SP100: variants seen among roughly 807,000 people sequenced by gnomAD.
The protein encoded by SP100 is nuclear autoantigen Sp-100.
Under a neutral mutation model 130.0 loss-of-function variants are expected in SP100, and 84 were observed. The ratio of observed to expected loss-of-function variants is 0.65; its 90% CI spans 0.54 to 0.77. The LOEUF (loss-of-function observed/expected upper bound fraction) is 0.77, where lower values mean the gene tolerates loss of function less well. Ranked by LOEUF, SP100 falls within the 30% of genes least tolerant of loss-of-function variation. SP100 has a pLI of 0.00. For synonymous variants in SP100, 331 were observed against 351.7 expected (o/e 0.94, Z 0.66); for missense variants, 978 against 1,052.2 (o/e 0.93, Z 0.97).
Position 230,542,101 on chromosome 2 carries a change from A to G in SP100, c.2547+66A>G, listed in dbSNP as rs1408141062. 7 of 1,513,876 alleles carry G rather than the reference A, an allele frequency of 4.6e-6. No individual in the cohort carries two copies. The African/African-American group carries it at 9.6e-5, about 21-fold the overall frequency. 93.8% of individuals were successfully genotyped at this position (1,513,876 alleles called of 1,614,324 possible). On this transcript the variant is annotated intron_variant, in intron 28 of 28. Coordinates refer to ENST00000340126, the MANE Select transcript of SP100 (RefSeq NM_001080391.2). ...TCACTTTAAAGTCACTTTCCCTGTC[A>G]TCTTTTCATGTCAGGTAAATGTTAC...
intron 2 of SP100, among the ~76,000 whole-genome samples, chr2:230,431,036 A>G (rs2063083822): frequency 6.6e-6 from 1 of 152,168 alleles, no homozygotes; most frequent in Non-Finnish European, 1.5e-5. Context: ...TAGGCACCCA[A>G]GCTACTTAGA....
intron 24 of SP100, chr2:230,515,835 A>G: frequency 7.2e-7 from 1 of 1,389,678 alleles, no homozygotes; most frequent in South Asian, 1.6e-5. Flanking sequence ...GTATTTAGCC[A>G]CTAACCTTTG....
rs1187892890 is a variant in SP100 at position 230,467,120 on chromosome 2, T to C, written c.1196T>C (p.Val399Ala). 1 of 1,610,876 alleles carries C rather than the reference T, an allele frequency of 6.2e-7. No homozygotes were observed. Among genetic ancestry groups the C allele is most frequent in the Admixed American group, 1.7e-5 (1 of 60,012 alleles). ...AAAGGACATTTGCTCCTTTCTGCAG[T>C]GATAGGACAAGACCACGACTTTTCA... ...STFRESFKKR[V>A]IGQDHDFSES... is the part of the protein sequence containing the mutation. The change falls in exon 13 of 29, where the codon GTG (valine) becomes GCG (alanine). Residue 399 changes from valine (V) to alanine (A), a missense_variant and splice_region_variant. Transcript: ENST00000340126.
intron 24 of SP100, among the ~76,000 whole-genome samples, chr2:230,512,980 C>A (rs1690707147): frequency 6.6e-6 from 1 of 152,180 alleles, no homozygotes; most frequent in Non-Finnish European, 1.5e-5. Flanking sequence ...TTTAATGCTG[C>A]TGCTGATCTG....
chr2:230,514,886 G>C, intron 24 of SP100: 1 of 664,256 alleles, frequency 1.5e-6, no homozygotes, highest in South Asian at 2.8e-5. Flanking sequence ...TGTTGGGAAG[G>C]GACATTACTT....
At position 230,446,550 on chromosome 2, in the gene SP100, C is replaced by A. The variant is rs541466465; in HGVS notation, c.440-269C>A. Among the ~76,000 whole-genome samples the A allele has an allele frequency of 3.3e-5, 5 of 152,354 alleles. No homozygotes were observed. In the South Asian group the frequency reaches 1.0e-3, roughly 32 times the overall value. ...GATATATGCCTACCCTGCCATCTGA[C>A]AATTTTGAGGGTAACACAGCTCACA... On this transcript the variant is annotated intron_variant, in intron 4 of 28. Transcript: ENST00000340126.
intron 17 of SP100, among the ~76,000 whole-genome samples, chr2:230,491,364 G>C (rs890811445): frequency 6.6e-6 from 1 of 152,196 alleles, no homozygotes; most frequent in African/African-American, 2.4e-5. Context: ...CCTCTGGCTG[G>C]AGTTATTGGA....
intron 24 of SP100, among the ~76,000 whole-genome samples, chr2:230,531,407 G>A (rs550564536): frequency 4.0e-5 from 6 of 151,884 alleles, no homozygotes; most frequent in South Asian, 2.1e-4. Flanking sequence ...ATCACACACC[G>A]GGGCCTGTTG....
intron 17 of SP100, among the ~76,000 whole-genome samples, chr2:230,474,940 G>T (rs1375017436): frequency 1.3e-5 from 2 of 151,296 alleles, no homozygotes; most frequent in Non-Finnish European, 2.9e-5. Context: ...ACTGTTGATG[G>T]GCAACTAGAT....
At chr2:230,507,915 T>C (rs1431687419) in intron 22 of SP100, 78 bp from the exon 23 acceptor site, 4 of 1,286,796 alleles carry the variant, frequency 3.1e-6, no homozygotes, top group Admixed American at 2.0e-5. Flanking sequence ...TAGGAATATT[T>C]GGAAGGCAGT....
chr2:230,433,854 T>C (rs1234322919), intron 2 of SP100, among the ~76,000 whole-genome samples: 1 of 150,038 alleles, frequency 6.7e-6, no homozygotes, highest in Non-Finnish European at 1.5e-5. Context: ...TAATATTGAG[T>C]CATAGACTTT....
At chr2:230,423,952 C>T (rs2062846528) in intron 2 of SP100, among the ~76,000 whole-genome samples, 1 of 152,098 alleles carries the variant, frequency 6.6e-6, no homozygotes, top group Admixed American at 6.5e-5. Flanking sequence ...AGTTTTGAGG[C>T]TTCACCACAT....
chr2:230,452,328 C>T (rs2064030998), intron 8 of SP100, among the ~76,000 whole-genome samples: 2 of 152,220 alleles, frequency 1.3e-5, no homozygotes, highest in South Asian at 4.1e-4. Flanking sequence ...CAGGCATACT[C>T]CACCACGCCC....
At chr2:230,480,128 T>G (rs982196072) in intron 17 of SP100, among the ~76,000 whole-genome samples, 5 of 152,258 alleles carry the variant, frequency 3.3e-5, no homozygotes, top group African/African-American at 9.6e-5. Flanking sequence ...TCTGTGTTTA[T>G]TTCTTCATTG....
At chr2:230,417,319 A>C (rs1410593416) in intron 1 of SP100, among the ~76,000 whole-genome samples, 1 of 152,198 alleles carries the variant, frequency 6.6e-6, no homozygotes, top group Non-Finnish European at 1.5e-5. Context: ...GAGATCTTTT[A>C]ACCTTAATAC....
At chr2:230,493,930 G>A (rs2150044571) in intron 17 of SP100, 1 of 163,346 alleles carries the variant, frequency 6.1e-6, no homozygotes, top group South Asian at 1.7e-4. Flanking sequence ...CACCACTCCA[G>A]GCTAATTTTT....
Position 230,498,525 on chromosome 2 carries a change from G to C in SP100, c.1710G>C (p.Trp570Cys), listed in dbSNP as rs2066823687. 1.4e-6 allele frequency: 2 copies of C among 1,457,320 alleles called. No homozygotes were observed. Among genetic ancestry groups the C allele is most frequent in the African/African-American group, 3.3e-5 (2 of 60,698 alleles). The allele number at this position is 1,457,320 out of a possible 1,614,324, so 90.3% of individuals were successfully genotyped here. A position where few individuals can be genotyped will look rare whatever the true frequency, so the allele number is the denominator to read the frequency against. ...ATAACAAAGTCCAAAAGAAAAGATG[G>C]CAACAAAGAGGTAAAAAAAAAAAAA... ...TLNNKVQKKR[W>C]QQRGRKANTR... The change falls in exon 19 of 29, where the codon TGG becomes TGC. Residue 570 changes from tryptophan (W) to cysteine (C), a missense_variant. By Grantham distance (215) the Trp-to-Cys change is radical. Coordinates refer to ENST00000340126, the MANE Select transcript of SP100 (RefSeq NM_001080391.2).
chr2:230,484,342 GAACT>G (rs1336962310), intron 17 of SP100, among the ~76,000 whole-genome samples: 9 of 152,328 alleles, frequency 5.9e-5, no homozygotes, highest in African/African-American at 1.2e-4. Flanking sequence ...ACATAAATTT[GAACT>G]AATAGACAAA....
chr2:230,532,929 C>T (rs1186128493), intron 24 of SP100, among the ~76,000 whole-genome samples: 1 of 152,094 alleles, frequency 6.6e-6, no homozygotes, highest in Non-Finnish European at 1.5e-5. Flanking sequence ...TACAGGCGCC[C>T]ACCACCACGC....
Sources: allele counts gnomAD v4.1 joint callset (sites outside exome capture counted in the v4.1 genomes callset), GRCh38; gene constraint gnomAD v4.1.1; transcripts MANE v1.5; gene names NCBI Gene and HGNC (gene_info 2026-07-23, HGNC 2026-07-21).